KREMEN1: variants seen among roughly 807,000 people sequenced by gnomAD.
KREMEN1 encodes kremen protein 1.
Under a neutral mutation model 46.5 loss-of-function variants are expected in KREMEN1, and 30 were observed. The ratio of observed to expected loss-of-function variants is 0.65; its 90% CI spans 0.48 to 0.88. The LOEUF is 0.88. KREMEN1 is among the 40% of genes least tolerant of loss of function. KREMEN1 has a pLI of 0.00. For missense variants in KREMEN1, 533 were observed against 596.9 expected (o/e 0.89, Z 1.11); for synonymous variants, 214 against 230.6 (o/e 0.93, Z 0.65).
chr22:29,141,315 G>A (rs6006024), intron 8 of KREMEN1, among the ~76,000 whole-genome samples: 2 of 149,580 alleles, frequency 1.3e-5, no homozygotes, highest in African/African-American at 4.9e-5. Flanking sequence ...GTGTGTGTAT[G>A]TGTGTTTTAA....
chr22:29,114,463 G>A (rs912357438), intron 3 of KREMEN1, among the ~76,000 whole-genome samples: 2 of 121,862 alleles, frequency 1.6e-5, no homozygotes, highest in Admixed American at 1.0e-4. Flanking sequence ...TCCAGCCTGT[G>A]CAACAAGAGT....
At chr22:29,098,371 G>T (rs1436575065) in intron 2 of KREMEN1, among the ~76,000 whole-genome samples, 2 of 152,164 alleles carry the variant, frequency 1.3e-5, no homozygotes, top group Non-Finnish European at 2.9e-5. Context: ...TTATAGGTAA[G>T]ATTTCCTTAG....
At chr22:29,081,162 G>A (rs1244758623) in intron 1 of KREMEN1, among the ~76,000 whole-genome samples, 3 of 151,760 alleles carry the variant, frequency 2.0e-5, no homozygotes, top group Non-Finnish European at 2.9e-5. Context: ...TCTTTTTACT[G>A]TTAGTTGCCT....
intron 9 of KREMEN1, among the ~76,000 whole-genome samples, chr22:29,157,325 C>T (rs2038971806): frequency 1.3e-5 from 2 of 152,106 alleles, no homozygotes; most frequent in South Asian, 4.1e-4. Context: ...GTCCAAGGCC[C>T]CACCATGACT....
intron 3 of KREMEN1, among the ~76,000 whole-genome samples, chr22:29,108,788 C>T (rs999800382): frequency 1.3e-5 from 2 of 152,086 alleles, no homozygotes; most frequent in East Asian, 1.9e-4. Context: ...AGAGGCCCCA[C>T]GTTTGTTTGT....
intron 1 of KREMEN1, among the ~76,000 whole-genome samples, chr22:29,087,614 A>G: frequency 6.6e-6 from 1 of 151,750 alleles, no homozygotes; most frequent in Non-Finnish European, 1.5e-5. Context: ...TGCCCAGGCC[A>G]GAGTGCAATG....
intron 3 of KREMEN1, among the ~76,000 whole-genome samples, chr22:29,120,182 T>G (rs1170649528): frequency 3.1e-4 from 18 of 58,370 alleles, no homozygotes; most frequent in African/African-American, 4.9e-4. Context: ...GAGGGAGAGG[T>G]GATGAAGGAA....
chr22:29,154,941 T>C (rs2038947952), intron 9 of KREMEN1, among the ~76,000 whole-genome samples: 1 of 152,174 alleles, frequency 6.6e-6, no homozygotes, highest in African/African-American at 2.4e-5. Context: ...AGTGATCAGA[T>C]GAATTATTCT....
At chr22:29,108,174 C>A (rs948185807) in intron 3 of KREMEN1, among the ~76,000 whole-genome samples, 18 of 152,226 alleles carry the variant, frequency 1.2e-4, no homozygotes, top group Non-Finnish European at 2.5e-4. Flanking sequence ...TGTAGTCCAG[C>A]TACTTGGGAG....
rs777458364 is a variant in KREMEN1, at chr22:29,138,691, GCAGGCCAACCT to G, written c.1036_1046del (p.Ala346CysfsTer65). Reference sequence around the variant, plus strand: ...AGACGGTGGCCGAGGTGATCACGGAGCAGGCCAACCTCAGTGTCAGCGCTGCCCGGTCCTCC... The same window carrying G: ...AGACGGTGGCCGAGGTGATCACGGAGCAGTGTCAGCGCTGCCCGGTCCTCC... On this transcript the variant is annotated frameshift_variant, in exon 7 of 9. Coordinates refer to ENST00000400335, the MANE Select transcript of KREMEN1 (RefSeq NM_001039570.3). LOFTEE classifies it high-confidence loss of function. 7 of 1,614,186 alleles carry G rather than the reference GCAGGCCAACCT, an allele frequency of 4.3e-6. No individual in the cohort carries two copies. In the East Asian group the frequency reaches 1.6e-4, roughly 36 times the overall value.
At chr22:29,102,392 A>G (rs189769266) in intron 3 of KREMEN1, among the ~76,000 whole-genome samples, 1 of 152,340 alleles carries the variant, frequency 6.6e-6, no homozygotes, top group Non-Finnish European at 1.5e-5. Flanking sequence ...AAATTTTTAA[A>G]ATGAAAAACA....
In KREMEN1 at chr22:29,142,693, CTGGACTAGGG is replaced by C. The variant is rs762149302; in HGVS notation, c.*585_*594del. The C allele has an allele frequency of 1.3e-4, 126 of 985,408 alleles. No individual in the cohort carries two copies. The highest frequency in any genetic ancestry group is 1.5e-4 in the Non-Finnish European group (122 of 830,022). 61.0% of individuals were successfully genotyped at this position (985,408 alleles called of 1,614,324 possible). A position where few individuals can be genotyped will look rare whatever the true frequency, so the allele number is the denominator to read the frequency against. On this transcript the variant is annotated 3_prime_UTR_variant, in exon 9 of 9. Transcript: ENST00000400335. ...CCCCGGCAGCTTTGCTCTCCAGATG[CTGGACTAGGG>C]TGGGCCTCCTTCAGCCTGGGAGGGT...
intron 5 of KREMEN1, among the ~76,000 whole-genome samples, chr22:29,135,164 G>A (rs2038636196): frequency 6.6e-6 from 1 of 152,156 alleles, no homozygotes; most frequent in Non-Finnish European, 1.5e-5. Flanking sequence ...CTTTGCATCG[G>A]CTGCAGTATC....
chr22:29,125,743 C>CT (rs2038431888), intron 5 of KREMEN1, among the ~76,000 whole-genome samples: 1 of 152,040 alleles, frequency 6.6e-6, no homozygotes, highest in Non-Finnish European at 1.5e-5. Context: ...CCAGTATCAG[C>CT]TTTATTATAC....
chr22:29,137,478 C>T lies in KREMEN1; in HGVS notation c.768C>T (p.Phe256=), dbSNP rs753521012. The part of the protein sequence containing the change: ...IRVPGASHIH[F]SFPLFDIRDS... The stretch of plus-strand genomic sequence containing the variant: ...TTCCGGGGGCCTCCCACATCCACTT[C>T]AGCTTCCCCCTATTTGACATCAGGG... Residue 256 remains phenylalanine (F), a synonymous_variant, in exon 6 of 9, where the codon TTC becomes TTT. Coordinates refer to ENST00000400335, the MANE Select transcript of KREMEN1 (RefSeq NM_001039570.3). The T allele has an allele frequency of 1.2e-6, 2 of 1,607,748 alleles. No homozygotes were observed. The highest frequency in any genetic ancestry group is 2.2e-5 in the East Asian group (1 of 44,622).
At chr22:29,081,952 A>G (rs760475859) in intron 1 of KREMEN1, among the ~76,000 whole-genome samples, 2 of 152,200 alleles carry the variant, frequency 1.3e-5, no homozygotes, top group African/African-American at 4.8e-5. Flanking sequence ...GCCAAGGGAA[A>G]CTGAAAAGCC....
At chr22:29,091,731 T>G (rs191047704) in intron 1 of KREMEN1, among the ~76,000 whole-genome samples, 1 of 152,236 alleles carries the variant, frequency 6.6e-6, no homozygotes, top group East Asian at 1.9e-4. Flanking sequence ...ACCACACACA[T>G]TGTCTCTCTC....
At chr22:29,117,206 A>T (rs1253033131) in intron 3 of KREMEN1, among the ~76,000 whole-genome samples, 1 of 152,160 alleles carries the variant, frequency 6.6e-6, no homozygotes, top group African/African-American at 2.4e-5. Context: ...TATGCCCAAA[A>T]GACTAATGTG....
At chr22:29,146,833 A>G (rs2038873278), downstream of KREMEN1, 2 of 959,786 alleles carry the variant, frequency 2.1e-6, no homozygotes, top group Non-Finnish European at 2.5e-6. Flanking sequence ...GATGGGCCCT[A>G]TGCTGTCATT....
Sources: allele counts gnomAD v4.1 joint callset (sites outside exome capture counted in the v4.1 genomes callset), GRCh38; gene constraint gnomAD v4.1.1; transcripts MANE v1.5; gene names NCBI Gene and HGNC (gene_info 2026-07-23, HGNC 2026-07-21).